The following FAM107B variants were observed in gnomAD, a reference collection of about 807,000 sequenced individuals.
FAM107B encodes protein FAM107B.
A neutral mutation model predicts 31.5 loss-of-function variants in FAM107B; 21 were observed. That is an observed-to-expected ratio of 0.67 (90% confidence interval 0.47 to 0.96). FAM107B has a LOEUF of 0.96. Ranked by LOEUF, FAM107B falls within the 40% of genes least tolerant of loss-of-function variation. The pLI is 0.00. For missense variants in FAM107B, 452 were observed against 377.1 expected (o/e 1.20, Z -1.64); for synonymous variants, 157 against 141.5 (o/e 1.11, Z -0.78).
At chr10:14,576,529 AAACAAC>A (rs113340570) in intron 2 of FAM107B, among the ~76,000 whole-genome samples, 7 of 147,194 alleles carry the variant, frequency 4.8e-5, no homozygotes, top group African/African-American at 1.3e-4. Flanking sequence ...TACATCTCAA[AAACAAC>A]AACAACAACA....
chr10:14,604,342 G>T, intron 2 of FAM107B: 4 of 802,690 alleles, frequency 5.0e-6, no homozygotes, highest in Non-Finnish European at 6.0e-6. Context: ...GAGGCGGCGC[G>T]AGGGCGGCTC....
intron 2 of FAM107B, among the ~76,000 whole-genome samples, chr10:14,613,123 C>T (rs1460351675): frequency 2.0e-5 from 3 of 152,050 alleles, no homozygotes; most frequent in Admixed American, 1.3e-4. Context: ...AAGCGTGCAC[C>T]GCCATGGCCG....
chr10:14,559,034 C>T (rs1166887033), intron 2 of FAM107B, among the ~76,000 whole-genome samples: 1 of 151,384 alleles, frequency 6.6e-6, no homozygotes, highest in African/African-American at 2.4e-5. Context: ...CTCCATTTCC[C>T]TTCCAACGCA....
At chr10:14,646,223 G>A (rs1418058553) in intron 2 of FAM107B, among the ~76,000 whole-genome samples, 5 of 152,056 alleles carry the variant, frequency 3.3e-5, no homozygotes, top group Non-Finnish European at 7.3e-5. Flanking sequence ...AGGTACAAGC[G>A]GTTTTTGGTG....
chr10:14,770,200 G>A (rs1833269435), intron 1 of FAM107B, among the ~76,000 whole-genome samples: 1 of 152,118 alleles, frequency 6.6e-6, no homozygotes, highest in Admixed American at 6.6e-5. Context: ...ATCCTCACAT[G>A]GAGGAAGAGC....
At chr10:14,585,343 T>C (rs1409682520) in intron 2 of FAM107B, among the ~76,000 whole-genome samples, 1 of 152,026 alleles carries the variant, frequency 6.6e-6, no homozygotes, top group Non-Finnish European at 1.5e-5. Context: ...TTCCCGGCAG[T>C]CAACTAAGAA....
At chr10:14,643,301 GAA>G in intron 2 of FAM107B, among the ~76,000 whole-genome samples, 1 of 151,982 alleles carries the variant, frequency 6.6e-6, no homozygotes, top group Non-Finnish European at 1.5e-5. Context: ...CTGAAGGTTA[GAA>G]AAGACAAGCA....
intron 2 of FAM107B, among the ~76,000 whole-genome samples, chr10:14,609,109 A>T (rs894758574): frequency 1.2e-4 from 18 of 152,258 alleles, no homozygotes; most frequent in African/African-American, 4.1e-4. Flanking sequence ...TAAATAAGAA[A>T]AAGATGGGGG....
intron 2 of FAM107B, among the ~76,000 whole-genome samples, chr10:14,614,289 C>A (rs1852798131): frequency 6.6e-6 from 1 of 152,024 alleles, no homozygotes; most frequent in African/African-American, 2.4e-5. Context: ...AAGCCAGGAG[C>A]CTGCATTCAC....
chr10:14,581,626 C>A (rs1490385989), intron 2 of FAM107B, among the ~76,000 whole-genome samples: 1 of 152,222 alleles, frequency 6.6e-6, no homozygotes, highest in Non-Finnish European at 1.5e-5. Context: ...CCCAGCCAGG[C>A]GCGGTGGCTC....
At chr10:14,628,118 T>TTTTG (rs1325672825) in intron 2 of FAM107B, among the ~76,000 whole-genome samples, 1 of 122,934 alleles carries the variant, frequency 8.1e-6, no homozygotes, top group Non-Finnish European at 1.6e-5. Flanking sequence ...GCTGGTTTTT[T>TTTTG]TTTTTTTTTT....
At chr10:14,622,618 T>G (rs1188948916) in intron 2 of FAM107B, among the ~76,000 whole-genome samples, 1 of 152,148 alleles carries the variant, frequency 6.6e-6, no homozygotes. Context: ...AGAGAGAAAG[T>G]CAGAAAGCTT....
At chr10:14,591,380 C>T (rs1193184357) in intron 2 of FAM107B, among the ~76,000 whole-genome samples, 1 of 152,172 alleles carries the variant, frequency 6.6e-6, no homozygotes, top group African/African-American at 2.4e-5. Flanking sequence ...ACCGTGCAAA[C>T]GGTAATTAAC....
chr10:14,759,238 C>T (rs955735960), intron 1 of FAM107B, among the ~76,000 whole-genome samples: 1 of 150,244 alleles, frequency 6.7e-6, no homozygotes, highest in African/African-American at 2.5e-5. Context: ...CAGCAAAGGT[C>T]TGGGCTGCTG....
intron 2 of FAM107B, chr10:14,652,708 A>AT (rs1170033434): frequency 6.6e-6 from 1 of 152,236 alleles, no homozygotes; most frequent in African/African-American, 2.4e-5. Flanking sequence ...GGTAGCGTGG[A>AT]TACCAGACGT....
chr10:14,575,269 T>G (rs1851429676), intron 2 of FAM107B, among the ~76,000 whole-genome samples: 1 of 151,972 alleles, frequency 6.6e-6, no homozygotes, highest in Non-Finnish European at 1.5e-5. Flanking sequence ...AGTGGTGCAC[T>G]CTTGGCTCAC....
chr10:14,758,863 G>A (rs1470087555), intron 1 of FAM107B, among the ~76,000 whole-genome samples: 9 of 97,686 alleles, frequency 9.2e-5, no homozygotes, highest in African/African-American at 2.9e-4. Flanking sequence ...AACAAAGCAA[G>A]ACCCTCTCAG....
chr10:14,629,418 A>T (rs375473276), intron 2 of FAM107B, among the ~76,000 whole-genome samples: 8 of 69,884 alleles, frequency 1.1e-4, no homozygotes, highest in East Asian at 6.0e-4. Context: ...TAATATATAT[A>T]ATATATATAA....
chr10:14,746,983 T>C (rs534351274), intron 1 of FAM107B, among the ~76,000 whole-genome samples: 37 of 152,316 alleles, frequency 2.4e-4, no homozygotes, highest in African/African-American at 8.9e-4. Flanking sequence ...GGAGGTGTTG[T>C]TCATTCCTTT....
Sources: allele counts gnomAD v4.1 joint callset (sites outside exome capture counted in the v4.1 genomes callset), GRCh38; gene constraint gnomAD v4.1.1; transcripts MANE v1.5; gene names NCBI Gene and HGNC (gene_info 2026-07-23, HGNC 2026-07-21).